The following NRIP1 variants were observed in gnomAD, a reference collection of about 807,000 sequenced individuals.
The protein encoded by NRIP1 is nuclear receptor-interacting protein 1.
NRIP1 carries 28 observed loss-of-function variants against 75.0 expected under a neutral mutation model. The ratio of observed to expected loss-of-function variants is 0.37; its 90% CI spans 0.28 to 0.51. The LOEUF is 0.51. Among genes scored for constraint, NRIP1 ranks in the 20% least tolerant of loss-of-function variants. NRIP1 has a pLI of 0.92. For synonymous variants in NRIP1, 526 were observed against 487.6 expected (o/e 1.08, Z -1.04); for missense variants, 1,435 against 1,343.7 (o/e 1.07, Z -1.06).
At chr21:15,021,009 GT>G (rs2088359589) in intron 2 of NRIP1, among the ~76,000 whole-genome samples, 2 of 152,050 alleles carry the variant, frequency 1.3e-5, no homozygotes, top group African/African-American at 4.8e-5. Context: ...TTTTCAAAAA[GT>G]TAAACATACA....
At chr21:15,008,375 C>G (rs1448101728) in intron 3 of NRIP1, among the ~76,000 whole-genome samples, 2 of 152,066 alleles carry the variant, frequency 1.3e-5, no homozygotes, top group Non-Finnish European at 2.9e-5. Context: ...ACGACCAAAC[C>G]TCTAGAGTTG....
intron 1 of NRIP1, among the ~76,000 whole-genome samples, chr21:15,061,160 T>C (rs1180006602): frequency 6.6e-6 from 1 of 152,210 alleles, no homozygotes; most frequent in Non-Finnish European, 1.5e-5. Context: ...TTCTTTGACT[T>C]TTCAACAGTA....
At chr21:14,984,788 C>T (rs1390087749) in intron 3 of NRIP1, among the ~76,000 whole-genome samples, 2 of 152,156 alleles carry the variant, frequency 1.3e-5, no homozygotes, top group African/African-American at 2.4e-5. Context: ...AGCAACCTCC[C>T]CCTGATTCTT....
rs569376707 is a variant in NRIP1, at chr21:15,013,406, T to C, written c.-335+938A>G. ...CCTACAGGTAAAGAGCAAATTTGGC[T>C]CAAAGTTGCCATTCCCTTTTTGAAA... On this transcript the variant is annotated intron_variant, in intron 3 of 3. Coordinates refer to ENST00000318948, the MANE Select transcript of NRIP1 (RefSeq NM_003489.4). Among the ~76,000 whole-genome samples the C allele has an allele frequency of 3.3e-5, 5 of 152,274 alleles. No homozygotes were observed. In the South Asian group the frequency reaches 6.2e-4, roughly 19 times the overall value.
chr21:15,027,597 T>A (rs1315453764), intron 2 of NRIP1, among the ~76,000 whole-genome samples: 1 of 152,228 alleles, frequency 6.6e-6, no homozygotes, highest in Non-Finnish European at 1.5e-5. Context: ...GGCTAATTCA[T>A]ATCTACCACC....
chr21:14,974,869 A>G (rs962750403), intron 3 of NRIP1, among the ~76,000 whole-genome samples: 2 of 152,126 alleles, frequency 1.3e-5, no homozygotes, highest in African/African-American at 4.8e-5. Flanking sequence ...GCACTTTCAG[A>G]GGCTGAGGCA....
chr21:14,999,617 T>C lies in NRIP1; in HGVS notation c.-335+14727A>G, dbSNP rs192126750. Reference sequence around the variant, plus strand: ...CTGGCTCAGGTCCTAAGCAGTTTTATAACAGTGGCTAAGTAGGAACTTGCC... The same window carrying C: ...CTGGCTCAGGTCCTAAGCAGTTTTACAACAGTGGCTAAGTAGGAACTTGCC... On this transcript the variant is annotated intron_variant, in intron 3 of 3. Transcript: ENST00000318948. Among the ~76,000 whole-genome samples, 10 of 152,350 alleles carry C rather than the reference T, an allele frequency of 6.6e-5. No individual in the cohort carries two copies. In the East Asian group the frequency reaches 1.9e-3, roughly 29 times the overall value.
At chr21:15,043,879 C>T (rs1421361204) in intron 1 of NRIP1, among the ~76,000 whole-genome samples, 4 of 152,106 alleles carry the variant, frequency 2.6e-5, no homozygotes, top group South Asian at 2.1e-4. Flanking sequence ...AGTGCAGTGG[C>T]GTGATCTCGG....
intron 1 of NRIP1, among the ~76,000 whole-genome samples, chr21:15,048,336 A>G (rs1267121225): frequency 6.6e-6 from 1 of 152,242 alleles, no homozygotes; most frequent in Non-Finnish European, 1.5e-5. Context: ...AAAGAGCAGT[A>G]AAGTGAAGCA....
In NRIP1 at chr21:15,013,472, T is replaced by C. The variant is rs943063364; in HGVS notation, c.-335+872A>G. Among the ~76,000 whole-genome samples the C allele has an allele frequency of 2.0e-5, 3 of 152,220 alleles. 1 individual carries two copies. Among genetic ancestry groups the C allele is most frequent in the Admixed American group, 2.0e-4 (3 of 15,290 alleles). On this transcript the variant is annotated intron_variant, in intron 3 of 3. Transcript: ENST00000318948. ...AAACATGGTGAATTTCAGCATGCTG[T>C]ATCTGCTCTCTCTCTTTGACCAGAG...
At chr21:15,007,244 G>C (rs544793382) in intron 3 of NRIP1, among the ~76,000 whole-genome samples, 7 of 152,280 alleles carry the variant, frequency 4.6e-5, no homozygotes, top group Non-Finnish European at 8.8e-5. Flanking sequence ...ATAGCTTGGA[G>C]GGAAGAAGAA....
At chr21:15,037,002 T>C (rs2088849725) in intron 2 of NRIP1, among the ~76,000 whole-genome samples, 1 of 152,188 alleles carries the variant, frequency 6.6e-6, no homozygotes, top group South Asian at 2.1e-4. Flanking sequence ...GCAAAGAATA[T>C]TAAGTCTATA....
At chr21:15,002,217 C>T (rs569365004) in intron 3 of NRIP1, 1 of 152,130 alleles carries the variant, frequency 6.6e-6, no homozygotes, top group Non-Finnish European at 1.5e-5. Flanking sequence ...ACAGGTACAC[C>T]GGAGTAATCA....
In NRIP1 at chr21:15,031,098, A is replaced by G. The variant is rs80275928; in HGVS notation, c.-458+12397T>C. 4.9e-3 allele frequency among the ~76,000 whole-genome samples: 114 copies of G among 23,410 alleles called. No homozygotes were observed. In the East Asian group the frequency reaches 0.092, roughly 19 times the overall value. The allele number at this position is 23,410 out of a possible 152,430, so 15.4% of individuals were successfully genotyped here. A position where few individuals can be genotyped will look rare whatever the true frequency, so the allele number is the denominator to read the frequency against. Reference sequence around the variant, plus strand: ...GTACACTCTGGAAGGCGCTCGGAGGATCACCACATTCCCTTTCTATGTGTA... The same window carrying G: ...GTACACTCTGGAAGGCGCTCGGAGGGTCACCACATTCCCTTTCTATGTGTA... On this transcript the variant is annotated intron_variant, in intron 2 of 3. Coordinates refer to ENST00000318948, the MANE Select transcript of NRIP1 (RefSeq NM_003489.4).
intron 1 of NRIP1, among the ~76,000 whole-genome samples, chr21:15,058,917 G>A (rs558563942): frequency 6.6e-6 from 1 of 152,256 alleles, no homozygotes; most frequent in Admixed American, 6.5e-5. Flanking sequence ...AGCTAGATAA[G>A]AAAGTAAAAG....
Position 14,963,239 on chromosome 21 carries a change from T to G in NRIP1, c.*1477A>C, listed in dbSNP as rs2086636621. On this transcript the variant is annotated 3_prime_UTR_variant, in exon 4 of 4. Coordinates refer to ENST00000318948, the MANE Select transcript of NRIP1 (RefSeq NM_003489.4). ...AATGTTGTAAGCTTTGTTGGCATTGTTCTTAGGACAATGGTTTTAATAAAG... is the reference window on the plus strand; with the variant it reads ...AATGTTGTAAGCTTTGTTGGCATTGGTCTTAGGACAATGGTTTTAATAAAG... 2.0e-5 allele frequency: 3 copies of G among 152,528 alleles called. No homozygotes were observed. Among genetic ancestry groups the G allele is most frequent in the African/African-American group, 7.2e-5 (3 of 41,438 alleles). The allele number at this position is 152,528 out of a possible 1,614,324, so 9.4% of individuals were successfully genotyped here. A position where few individuals can be genotyped will look rare whatever the true frequency, so the allele number is the denominator to read the frequency against.
In NRIP1 at chr21:15,049,776, A is replaced by G. The variant is rs529878056; in HGVS notation, c.-537-6202T>C. On this transcript the variant is annotated intron_variant, in intron 1 of 3. Coordinates refer to ENST00000318948, the MANE Select transcript of NRIP1 (RefSeq NM_003489.4). The stretch of plus-strand genomic sequence containing the variant: ...CAAATGATTTAATGAAAAAAAAGCT[A>G]TGATATTATAAAATTCATGCTTCTT... 5.9e-5 allele frequency among the ~76,000 whole-genome samples: 9 copies of G among 152,220 alleles called. No individual in the cohort carries two copies. In the South Asian group the frequency reaches 1.9e-3, roughly 32 times the overall value.
chr21:15,055,698 T>C (rs1363434276), intron 1 of NRIP1, among the ~76,000 whole-genome samples: 1 of 152,150 alleles, frequency 6.6e-6, no homozygotes, highest in Non-Finnish European at 1.5e-5. Context: ...TGAGACTGCT[T>C]TGACAAAAAT....
chr21:15,056,821 G>T (rs1027620552), intron 1 of NRIP1, among the ~76,000 whole-genome samples: 2 of 152,036 alleles, frequency 1.3e-5, no homozygotes, highest in African/African-American at 4.8e-5. Flanking sequence ...AGTGTATAGG[G>T]AACCACTCAG....
Sources: allele counts gnomAD v4.1 joint callset (sites outside exome capture counted in the v4.1 genomes callset), GRCh38; gene constraint gnomAD v4.1.1; transcripts MANE v1.5; gene names NCBI Gene and HGNC (gene_info 2026-07-23, HGNC 2026-07-21).